The following FOCAD variants were observed in gnomAD, a reference collection of about 807,000 sequenced individuals.
FOCAD encodes the protein focadhesin.
Under a neutral mutation model 225.6 loss-of-function variants are expected in FOCAD, and 198 were observed. That is an observed-to-expected ratio of 0.88 (90% CI 0.78 to 0.99). The LOEUF (loss-of-function observed/expected upper bound fraction) is 0.99, where lower values mean the gene tolerates loss of function less well. Ranked by LOEUF, FOCAD falls within the 50% of genes least tolerant of loss-of-function variation. The pLI is 0.00. For missense variants in FOCAD, 2,713 were observed against 2,123.6 expected (o/e 1.28, Z -5.46); for synonymous variants, 897 against 755.0 (o/e 1.19, Z -3.08).
intron 28 of FOCAD, among the ~76,000 whole-genome samples, chr9:20,933,832 G>T (rs1835707511): frequency 6.6e-6 from 1 of 152,050 alleles, no homozygotes; most frequent in Admixed American, 6.6e-5. Flanking sequence ...ACTCCCACTA[G>T]CAGTGTAGAA....
chr9:20,907,342 C>A, intron 22 of FOCAD, 100 bp downstream of exon 22: 7 of 888,980 alleles, frequency 7.9e-6, no homozygotes, highest in Admixed American at 5.9e-5. Flanking sequence ...GGGAAAATAG[C>A]ACTACCAAAA....
chr9:20,821,996 TAAAAAAAAAAAA>T (rs58640962), intron 14 of FOCAD, among the ~76,000 whole-genome samples: 2 of 49,300 alleles, frequency 4.1e-5, no homozygotes, highest in South Asian at 1.0e-3. Flanking sequence ...TAAAAGTTAC[TAAAAAAAAAAAA>T]AAAAAAAAAA....
At chr9:20,965,084 G>T (rs1167422083) in intron 35 of FOCAD, among the ~76,000 whole-genome samples, 1 of 152,142 alleles carries the variant, frequency 6.6e-6, no homozygotes, top group African/African-American at 2.4e-5. Context: ...TTTCACAGAG[G>T]AAGAACACCG....
At chr9:20,992,482 T>C (rs183720441) in intron 42 of FOCAD, among the ~76,000 whole-genome samples, 57 of 152,274 alleles carry the variant, frequency 3.7e-4, no homozygotes, top group Admixed American at 3.0e-3. Context: ...GGAGGCAGCA[T>C]GATGCAAAGA....
intron 1 of FOCAD, among the ~76,000 whole-genome samples, chr9:20,710,082 A>ATAGT (rs1824710543): frequency 6.6e-6 from 1 of 152,154 alleles, no homozygotes; most frequent in African/African-American, 2.4e-5. Flanking sequence ...CTTCTTCTGT[A>ATAGT]TAGTTCTATC....
chr9:20,911,512 G>C (rs1488959308), intron 22 of FOCAD, among the ~76,000 whole-genome samples: 1 of 152,256 alleles, frequency 6.6e-6, no homozygotes, highest in East Asian at 1.9e-4. Context: ...TATTTCAGGA[G>C]ATATTTAGAT....
At position 20,951,107 on chromosome 9, in the gene FOCAD, A is replaced by G. The variant is rs1347547900; in HGVS notation, c.4051+9A>G. On this transcript the variant is annotated intron_variant, in intron 34 of 43. Transcript: ENST00000338382. ...TCAAAGTAGAGCCTCTGGTAAGATT[A>G]AAGTCATAAAATACTGGAGCTGGAA... 1.2e-6 allele frequency: 2 copies of G among 1,603,408 alleles called. No individual in the cohort carries two copies. The highest frequency in any genetic ancestry group is 2.2e-5 in the East Asian group (1 of 44,840).
At chr9:20,682,290 A>G (rs536932032), upstream of FOCAD, among the ~76,000 whole-genome samples, 25 of 152,366 alleles carry the variant, frequency 1.6e-4, 1 homozygote, top group South Asian at 4.6e-3. Flanking sequence ...AGTAGACTCA[A>G]TATCATTCTT....
intron 9 of FOCAD, among the ~76,000 whole-genome samples, chr9:20,779,958 T>C (rs1341860955): frequency 6.6e-6 from 1 of 152,118 alleles, no homozygotes; most frequent in Non-Finnish European, 1.5e-5. Context: ...ATACCTTCCC[T>C]CCACAGTCTG....
intron 28 of FOCAD, among the ~76,000 whole-genome samples, chr9:20,939,121 GC>G (rs1836352613): frequency 8.3e-6 from 1 of 121,156 alleles, no homozygotes; most frequent in Admixed American, 1.1e-4. Flanking sequence ...CTGCACTCCA[GC>G]CTGGGCGACA....
chr9:20,967,096 C>T (rs1839331591), intron 35 of FOCAD, among the ~76,000 whole-genome samples: 1 of 151,926 alleles, frequency 6.6e-6, no homozygotes, highest in South Asian at 2.1e-4. Context: ...TGCATTGAAT[C>T]TATGGATCAC....
intron 4 of FOCAD, among the ~76,000 whole-genome samples, chr9:20,728,782 G>C (rs1826425805): frequency 6.6e-6 from 1 of 152,110 alleles, no homozygotes; most frequent in Non-Finnish European, 1.5e-5. Context: ...AGGTCTCTTT[G>C]GGCTACCAGT....
intron 35 of FOCAD, among the ~76,000 whole-genome samples, chr9:20,969,854 G>C (rs888221537): frequency 1.3e-5 from 2 of 151,520 alleles, no homozygotes; most frequent in African/African-American, 4.9e-5. Flanking sequence ...TTTTAGCCTT[G>C]AGGACTCCCA....
intron 1 of FOCAD, among the ~76,000 whole-genome samples, chr9:20,703,586 C>T (rs1824149524): frequency 6.6e-6 from 1 of 151,796 alleles, no homozygotes; most frequent in Non-Finnish European, 1.5e-5. Flanking sequence ...TGTCTTATTT[C>T]TCTCTAGTGA....
chr9:20,805,980 G>C (rs1412920376), intron 11 of FOCAD, among the ~76,000 whole-genome samples: 2 of 152,144 alleles, frequency 1.3e-5, no homozygotes, highest in Non-Finnish European at 2.9e-5. Context: ...GCTGCCTTTG[G>C]AGCAGGTTCA....
chr9:20,857,908 A>G (rs1181460287), intron 15 of FOCAD, among the ~76,000 whole-genome samples: 3 of 151,396 alleles, frequency 2.0e-5, no homozygotes, highest in Admixed American at 1.3e-4. Flanking sequence ...TGATTTGCAT[A>G]TGTTGAACCA....
At position 20,795,216 on chromosome 9, in the gene FOCAD, C is replaced by T. The variant is rs145650610; in HGVS notation, c.1455+5608C>T. Reference sequence around the variant, plus strand: ...GATAGGAAAATAAGCTTAAATCTTACCTTATTAGTAACAATCAGTCTTCTA... The same window carrying T: ...GATAGGAAAATAAGCTTAAATCTTATCTTATTAGTAACAATCAGTCTTCTA... On this transcript the variant is annotated intron_variant, in intron 11 of 43. Transcript: ENST00000338382. Among the ~76,000 whole-genome samples the T allele has an allele frequency of 2.3e-3, 347 of 152,116 alleles. 1 individual carries two copies. Among genetic ancestry groups the T allele is most frequent in the African/African-American group, 8.2e-3 (339 of 41,518 alleles).
intron 3 of FOCAD, among the ~76,000 whole-genome samples, chr9:20,718,868 C>G (rs573987077): frequency 6.6e-6 from 1 of 152,156 alleles, no homozygotes; most frequent in South Asian, 2.1e-4. Context: ...TTTTGTTTTT[C>G]CGGTGTAATA....
rs371132180 is a variant in FOCAD at position 20,944,721 on chromosome 9, A to C, written c.3502A>C (p.Lys1168Gln). The C allele has an allele frequency of 6.2e-6, 10 of 1,613,984 alleles. No individual in the cohort carries two copies. The African/African-American group carries it at 1.3e-4, about 22-fold the overall frequency. Residue 1168 changes from lysine (K) to glutamine (Q), a missense_variant, in exon 29 of 44, where the codon AAG becomes CAG. Physicochemically the swap from Lys to Gln is moderately conservative, Grantham distance 53. Transcript: ENST00000338382. Reference sequence around the variant, plus strand: ...CGTTCACGTAGCAGCATTGCTCCGGAAGCTGTCTGCGCACGTAGATGACAG... The same window carrying C: ...CGTTCACGTAGCAGCATTGCTCCGGCAGCTGTCTGCGCACGTAGATGACAG... ...SRVHVAALLR[K>Q]LSAHVDDSGS...
Sources: allele counts gnomAD v4.1 joint callset (sites outside exome capture counted in the v4.1 genomes callset), GRCh38; gene constraint gnomAD v4.1.1; transcripts MANE v1.5; gene names NCBI Gene and HGNC (gene_info 2026-07-23, HGNC 2026-07-21).